Variants in SNX29 observed in about 807,000 individuals in gnomAD.
SNX29 encodes sorting nexin 29.
In SNX29, 78 loss-of-function variants were observed where a neutral mutation model predicts 102.1. That is an observed-to-expected ratio of 0.76 (90% CI 0.64 to 0.92). SNX29 has a LOEUF of 0.92. SNX29 is among the 40% of genes least tolerant of loss of function. The pLI is 0.00. For synonymous variants in SNX29, 580 were observed against 414.5 expected, an observed-to-expected ratio of 1.40 and a Z score of -4.85; for missense variants, 1,280 against 1,061.7, an observed-to-expected ratio of 1.21 and a Z score of -2.86.
intron 19 of SNX29, among the ~76,000 whole-genome samples, chr16:12,481,493 C>A (rs2087920642): frequency 6.8e-6 from 1 of 146,658 alleles, no homozygotes; most frequent in East Asian, 2.0e-4. Flanking sequence ...TATATATACA[C>A]ATATGTACAT....
intron 18 of SNX29, among the ~76,000 whole-genome samples, chr16:12,465,414 C>T (rs2087005492): frequency 6.6e-6 from 1 of 151,898 alleles, no homozygotes; most frequent in Non-Finnish European, 1.5e-5. Flanking sequence ...GCTCTAATTT[C>T]ATTATTTTGA....
intron 14 of SNX29, among the ~76,000 whole-genome samples, chr16:12,230,032 G>A (rs1180492356): frequency 6.6e-6 from 1 of 152,242 alleles, no homozygotes; most frequent in East Asian, 1.9e-4. Flanking sequence ...CGCAGACATT[G>A]TGTAGATGAG....
chr16:11,991,167 G>A (rs2055833638), intron 1 of SNX29, among the ~76,000 whole-genome samples: 1 of 152,244 alleles, frequency 6.6e-6, no homozygotes, highest in African/African-American at 2.4e-5. Context: ...GAAATGCTGT[G>A]TTCATTGCAG....
At chr16:12,077,010 A>C (rs1269974773) in intron 10 of SNX29, among the ~76,000 whole-genome samples, 2 of 152,188 alleles carry the variant, frequency 1.3e-5, no homozygotes, top group Non-Finnish European at 2.9e-5. Context: ...ATGGTGGCCC[A>C]TGCCTGTAAT....
chr16:12,139,318 G>A (rs918201980), intron 13 of SNX29, among the ~76,000 whole-genome samples: 1 of 151,304 alleles, frequency 6.6e-6, no homozygotes, highest in Non-Finnish European at 1.5e-5. Context: ...CCTGAATAGC[G>A]TTATTACTGA....
intron 1 of SNX29, among the ~76,000 whole-genome samples, chr16:11,994,594 C>G (rs2055986877): frequency 6.6e-6 from 1 of 152,218 alleles, no homozygotes; most frequent in Admixed American, 6.5e-5. Flanking sequence ...CTCTGAGTCA[C>G]AGTGTTCTCT....
intron 18 of SNX29, among the ~76,000 whole-genome samples, chr16:12,457,029 C>T (rs190407109): frequency 6.6e-6 from 1 of 152,182 alleles, no homozygotes; most frequent in Non-Finnish European, 1.5e-5. Flanking sequence ...ATGCCACCCT[C>T]TTCTAGTGGG....
At chr16:12,552,943 C>T (rs371004944) in intron 20 of SNX29, among the ~76,000 whole-genome samples, 10 of 152,172 alleles carry the variant, frequency 6.6e-5, no homozygotes, top group African/African-American at 1.4e-4. Context: ...TTATATGCCA[C>T]GTCATCAGGA....
At chr16:12,451,818 C>G (rs546582511) in intron 18 of SNX29, among the ~76,000 whole-genome samples, 2 of 152,198 alleles carry the variant, frequency 1.3e-5, no homozygotes, top group African/African-American at 4.8e-5. Flanking sequence ...GAGCCCAGAT[C>G]GCGCCACTGC....
At chr16:12,558,594 T>C (rs1176047470) in intron 20 of SNX29, among the ~76,000 whole-genome samples, 1 of 152,196 alleles carries the variant, frequency 6.6e-6, no homozygotes, top group African/African-American at 2.4e-5. Flanking sequence ...CCTGTCACTC[T>C]CTGCCACAGC....
At position 12,149,086 on chromosome 16, in the gene SNX29, T is replaced by C. The variant is rs537609614; in HGVS notation, c.1595+19328T>C. 3.3e-5 allele frequency among the ~76,000 whole-genome samples: 5 copies of C among 152,194 alleles called. No individual in the cohort carries two copies. In the South Asian group the frequency reaches 1.0e-3, roughly 32 times the overall value. The stretch of plus-strand genomic sequence containing the variant: ...CACATAATAGAGCTCAGTGGATGTT[T>C]GTTGAATGAATAAATGAGCATTTGT... On this transcript the variant is annotated intron_variant, in intron 13 of 20. Coordinates refer to ENST00000566228, the MANE Select transcript of SNX29 (RefSeq NM_032167.5).
intron 3 of SNX29, among the ~76,000 whole-genome samples, chr16:12,023,862 A>T (rs1311946166): frequency 2.6e-5 from 4 of 152,108 alleles, no homozygotes; most frequent in Non-Finnish European, 5.9e-5. Flanking sequence ...GATTCAAATG[A>T]CCGTTTATAC....
chr16:12,531,847 T>C (rs2076940435), intron 20 of SNX29, among the ~76,000 whole-genome samples: 1 of 152,188 alleles, frequency 6.6e-6, no homozygotes, highest in Non-Finnish European at 1.5e-5. Flanking sequence ...GTGAGCTGCC[T>C]TCAGGTAGCA....
chr16:12,118,313 C>CTTTCTTTTTTTTTTTTTTT lies in SNX29; in HGVS notation c.1403-8317_1403-8316insCTTTTTTTTTTTTTTTTTT, dbSNP rs1286174976. On this transcript the variant is annotated intron_variant, in intron 11 of 20. Transcript: ENST00000566228. The stretch of plus-strand genomic sequence containing the variant: ...TGTAGATAGTAGATATACAGACCAC[C>CTTTCTTTTTTTTTTTTTTT]TTTTTTTTTTTTTTTTTTTTTTTAT... Among the ~76,000 whole-genome samples, 25 of 86,120 alleles carry CTTTCTTTTTTTTTTTTTTT rather than the reference C, an allele frequency of 2.9e-4. 1 individual carries two copies. The East Asian group carries it at 4.3e-3, about 15-fold the overall frequency. The allele number at this position is 86,120 out of a possible 152,430, so 56.5% of individuals were successfully genotyped here. A position where few individuals can be genotyped will look rare whatever the true frequency, so the allele number is the denominator to read the frequency against.
chr16:12,311,874 A>T (rs1320402109), intron 15 of SNX29, among the ~76,000 whole-genome samples: 1 of 152,228 alleles, frequency 6.6e-6, no homozygotes, highest in African/African-American at 2.4e-5. Context: ...GGGTTAAATA[A>T]GATAGAGTTA....
intron 3 of SNX29, among the ~76,000 whole-genome samples, chr16:12,026,151 T>G (rs546169770): frequency 1.9e-4 from 29 of 152,332 alleles, no homozygotes; most frequent in Non-Finnish European, 3.5e-4. Flanking sequence ...TCAAGGCCTT[T>G]GCACTGGGCC....
chr16:12,526,881 G>A lies in SNX29; in HGVS notation c.2318+2040G>A, dbSNP rs897077288. On this transcript the variant is annotated intron_variant, in intron 20 of 20. Transcript: ENST00000566228. ...AGTGCACGTTAATGCGAGCCTGTCG[G>A]TGTGACATGAATCTCAGCCATGCTG... 2.5e-5 allele frequency: 10 copies of A among 396,268 alleles called. No individual in the cohort carries two copies. The Admixed American group carries it at 4.1e-4, about 16-fold the overall frequency. 24.5% of individuals were successfully genotyped at this position (396,268 alleles called of 1,614,324 possible). A position where few individuals can be genotyped will look rare whatever the true frequency, so the allele number is the denominator to read the frequency against.
intron 20 of SNX29, among the ~76,000 whole-genome samples, chr16:12,539,994 CTT>C (rs1327580845): frequency 2.0e-5 from 3 of 150,996 alleles, no homozygotes; most frequent in African/African-American, 7.4e-5. Context: ...TCTTCAGCTT[CTT>C]TTCAGTGTCT....
intron 18 of SNX29, among the ~76,000 whole-genome samples, chr16:12,456,630 G>C (rs2086552167): frequency 6.6e-6 from 1 of 152,084 alleles, no homozygotes; most frequent in African/African-American, 2.4e-5. Context: ...GCATCTGATG[G>C]GGTGTGTGCA....
Sources: allele counts gnomAD v4.1 joint callset (sites outside exome capture counted in the v4.1 genomes callset), GRCh38; gene constraint gnomAD v4.1.1; transcripts MANE v1.5; gene names NCBI Gene and HGNC (gene_info 2026-07-23, HGNC 2026-07-21).